Variants in PPM1H observed in about 807,000 individuals in gnomAD.
PPM1H encodes protein phosphatase 1H.
PPM1H carries 27 observed loss-of-function variants against 54.9 expected under a neutral mutation model. That is an observed-to-expected ratio of 0.49 (90% CI 0.36 to 0.68). The LOEUF (loss-of-function observed/expected upper bound fraction) is 0.68. Ranked by LOEUF, PPM1H falls within the 30% of genes least tolerant of loss-of-function variation. The pLI is 0.00. For missense variants in PPM1H, 596 were observed against 667.8 expected (o/e 0.89, Z 1.19); for synonymous variants, 305 against 270.8 (o/e 1.13, Z -1.24).
intron 1 of PPM1H, among the ~76,000 whole-genome samples, chr12:62,911,680 G>C (rs1203870590): frequency 6.6e-6 from 1 of 152,186 alleles, no homozygotes; most frequent in Non-Finnish European, 1.5e-5. Context: ...TCCTAGCTTT[G>C]CCTGTGCACT....
chr12:62,695,634 G>C (rs1004587066), intron 6 of PPM1H, among the ~76,000 whole-genome samples: 1 of 152,076 alleles, frequency 6.6e-6, no homozygotes. Context: ...ATGAGTTTGG[G>C]GGGGGAACAA....
chr12:62,736,682 C>T (rs1315182505), intron 5 of PPM1H, among the ~76,000 whole-genome samples: 1 of 152,236 alleles, frequency 6.6e-6, no homozygotes, highest in Non-Finnish European at 1.5e-5. Context: ...TAGCCTGGAT[C>T]AATTGTTTCC....
intron 3 of PPM1H, 120 bp downstream of exon 3, chr12:62,801,696 C>A: frequency 9.3e-7 from 1 of 1,071,380 alleles, no homozygotes. Context: ...CACAGGGGGC[C>A]GTCCAGGTGG....
In PPM1H at chr12:62,681,885, C is replaced by T. The variant is rs193002546; in HGVS notation, c.1245+7814G>A. 4.6e-5 allele frequency among the ~76,000 whole-genome samples: 7 copies of T among 152,348 alleles called. No individual in the cohort carries two copies. In the East Asian group the frequency reaches 1.3e-3, roughly 29 times the overall value. ...ATGGAGTAGGAAGAAGAGCTAGGAA[C>T]TAATATTTATTATGCCAGGTTTTTT... On this transcript the variant is annotated intron_variant, in intron 8 of 9. Coordinates refer to ENST00000228705, the MANE Select transcript of PPM1H (RefSeq NM_020700.2).
chr12:62,776,088 C>T (rs2076609307), intron 4 of PPM1H, among the ~76,000 whole-genome samples: 1 of 152,062 alleles, frequency 6.6e-6, no homozygotes, highest in African/African-American at 2.4e-5. Flanking sequence ...ATGAGAACAG[C>T]ATGGGAAAAA....
chr12:62,684,241 A>G (rs992308292), intron 8 of PPM1H, among the ~76,000 whole-genome samples: 3 of 152,176 alleles, frequency 2.0e-5, no homozygotes, highest in African/African-American at 7.2e-5. Flanking sequence ...ACCTCCAGAC[A>G]ACAGGCCTGT....
In PPM1H at chr12:62,802,109, C is replaced by A; in HGVS notation, c.463G>T (p.Gly155Trp). ...HYWSLFDGHAGSGAAVVASRL... is the reference protein window; with the variant it reads ...HYWSLFDGHAWSGAAVVASRL... ...GACGCCACCACCGCGGCCCCGGACC[C>A]CGCGTGCCCGTCAAACAGCGACCAA... The change falls in exon 3 of 10, where the codon GGG becomes TGG. Residue 155 changes from glycine to tryptophan, a missense_variant. Gly to Trp is a radical substitution (Grantham distance 184). Around this residue, in one of 3 missense-constraint regions of PPM1H, gnomAD observed 382 missense variants for 387.1 expected, o/e 0.99. Transcript: ENST00000228705. 1.9e-6 allele frequency: 3 copies of A among 1,599,544 alleles called. No homozygotes were observed. The highest frequency in any genetic ancestry group is 8.5e-7 in the Non-Finnish European group (1 of 1,172,452).
intron 4 of PPM1H, among the ~76,000 whole-genome samples, chr12:62,765,133 T>A (rs2076533861): frequency 6.6e-6 from 1 of 152,170 alleles, no homozygotes; most frequent in African/African-American, 2.4e-5. Context: ...AGGACAGAGC[T>A]GAGAGAGGGA....
intron 1 of PPM1H, among the ~76,000 whole-genome samples, chr12:62,848,837 C>A (rs1266139385): frequency 6.6e-6 from 1 of 151,908 alleles, no homozygotes; most frequent in East Asian, 1.9e-4. Context: ...GAAAGGGGAT[C>A]CTAGTGAGGC....
At chr12:62,923,418 CA>C (rs1253240782) in intron 1 of PPM1H, among the ~76,000 whole-genome samples, 1 of 151,846 alleles carries the variant, frequency 6.6e-6, no homozygotes, top group East Asian at 1.9e-4. Flanking sequence ...TTTTCTTTAA[CA>C]AGACAAAGTC....
At chr12:62,737,748 CAT>C (rs2076358558) in intron 4 of PPM1H, among the ~76,000 whole-genome samples, 162 bp from the exon 5 acceptor site, 1 of 152,192 alleles carries the variant, frequency 6.6e-6, no homozygotes, top group African/African-American at 2.4e-5. Context: ...TCCCTCACCA[CAT>C]GAGAGGCATC....
At chr12:62,795,804 G>A (rs2076730478) in intron 3 of PPM1H, among the ~76,000 whole-genome samples, 2 of 151,954 alleles carry the variant, frequency 1.3e-5, no homozygotes, top group East Asian at 1.9e-4. Flanking sequence ...TCGGCTCACT[G>A]CGACCTCTGC....
chr12:62,843,718 C>CT (rs1365347221), intron 1 of PPM1H, among the ~76,000 whole-genome samples: 1 of 152,108 alleles, frequency 6.6e-6, no homozygotes, highest in East Asian at 1.9e-4. Context: ...CTACTTCAGT[C>CT]TTTTTTAAAA....
chr12:62,720,185 A>G lies in PPM1H; in HGVS notation c.1059T>C (p.Phe353=). 6.2e-7 allele frequency: 1 copy of G among 1,605,906 alleles called. No individual in the cohort carries two copies. The highest frequency in any genetic ancestry group is 8.5e-7 in the Non-Finnish European group (1 of 1,172,554). ...CATGTTCTTACCAGCCTGTCATATTAAAGTCCCTGTAGAGCATCTTCTTTC... is the reference window on the plus strand; with the variant it reads ...CATGTTCTTACCAGCCTGTCATATTGAAGTCCCTGTAGAGCATCTTCTTTC... The part of the protein sequence containing the change: ...ELGKKMLYRD[F]NMTGWAYKTI... The change falls in exon 6 of 10, where the codon TTT becomes TTC. Residue 353 remains phenylalanine (F), a synonymous_variant. Coordinates refer to ENST00000228705, the MANE Select transcript of PPM1H (RefSeq NM_020700.2).
intron 4 of PPM1H, among the ~76,000 whole-genome samples, chr12:62,764,490 A>G (rs2076529301): frequency 6.6e-6 from 1 of 152,214 alleles, no homozygotes; most frequent in Non-Finnish European, 1.5e-5. Context: ...TTAACTATAA[A>G]AAGGTCTCAA....
intron 1 of PPM1H, among the ~76,000 whole-genome samples, chr12:62,918,153 G>A (rs527744517): frequency 1.3e-5 from 2 of 152,304 alleles, no homozygotes; most frequent in South Asian, 4.1e-4. Context: ...GATTTAAAAA[G>A]TGAGGCTGCT....
chr12:62,784,910 T>C (rs1263372553), intron 4 of PPM1H, among the ~76,000 whole-genome samples: 5 of 152,224 alleles, frequency 3.3e-5, no homozygotes, highest in Non-Finnish European at 7.3e-5. Flanking sequence ...ACTCACATTG[T>C]TCTCAGGTTT....
intron 2 of PPM1H, among the ~76,000 whole-genome samples, chr12:62,821,703 G>A (rs532913457): frequency 6.6e-6 from 1 of 152,244 alleles, no homozygotes; most frequent in South Asian, 2.1e-4. Flanking sequence ...TTACAGACAA[G>A]CAAATGCTGA....
At chr12:62,814,127 T>G (rs148177672) in intron 2 of PPM1H, among the ~76,000 whole-genome samples, 1,686 of 152,288 alleles carry the variant, frequency 0.011, 31 homozygotes, top group African/African-American at 0.039. Context: ...TCACCCAAGC[T>G]GGAGTGCAGT....
Sources: allele counts gnomAD v4.1 joint callset (sites outside exome capture counted in the v4.1 genomes callset), GRCh38; gene constraint gnomAD v4.1.1; regional missense constraint gnomAD v4.1.1; transcripts MANE v1.5; gene names NCBI Gene and HGNC (gene_info 2026-07-23, HGNC 2026-07-21).